The following TRPM4 variants were observed in gnomAD, a reference collection of about 807,000 sequenced individuals.
TRPM4 encodes transient receptor potential cation channel subfamily M member 4.
Under a neutral mutation model 135.6 loss-of-function variants are expected in TRPM4, and 124 were observed. The ratio of observed to expected loss-of-function variants is 0.91; its 90% CI spans 0.79 to 1.06. The LOEUF (loss-of-function observed/expected upper bound fraction) is 1.06, where lower values mean the gene tolerates loss of function less well. Ranked by LOEUF, TRPM4 falls within the 50% of genes least tolerant of loss-of-function variation. The pLI is 0.00. For synonymous variants in TRPM4, 745 were observed against 705.6 expected (o/e 1.06, Z -0.88); for missense variants, 1,658 against 1,671.4 (o/e 0.99, Z 0.14).
Position 49,210,449 on chromosome 19 carries a change from G to C in TRPM4, c.3328+44G>C. On this transcript the variant is annotated intron_variant, in intron 21 of 24. Transcript: ENST00000252826. The surrounding 1 kb of genome is among the most constrained non-coding windows in gnomAD (Gnocchi z 4.1). ...TTAAAAAGGAGAAATATAGGGGACCGGGAGCCTGGAAGGCGAGGGGAAGGG... is the reference window on the plus strand; with the variant it reads ...TTAAAAAGGAGAAATATAGGGGACCCGGAGCCTGGAAGGCGAGGGGAAGGG... The C allele has an allele frequency of 6.2e-7, 1 of 1,600,348 alleles. No individual in the cohort carries two copies. The highest frequency in any genetic ancestry group is 8.5e-7 in the Non-Finnish European group (1 of 1,174,470).
chr19:49,184,970 G>A (rs918603587), intron 12 of TRPM4, among the ~76,000 whole-genome samples: 8 of 149,756 alleles, frequency 5.3e-5, no homozygotes, highest in African/African-American at 2.0e-4. Flanking sequence ...AATAAATTCA[G>A]TGTTCACATT....
At chr19:49,196,960 C>T in intron 17 of TRPM4, 86 bp downstream of exon 17, 2 of 1,351,234 alleles carry the variant, frequency 1.5e-6, no homozygotes, top group Non-Finnish European at 2.0e-6. Context: ...TCCCGGCTTC[C>T]CCGCAGCTGG....
At position 49,167,965 on chromosome 19, in the gene TRPM4, G is replaced by C. The variant is rs748100522; in HGVS notation, c.316G>C (p.Val106Leu). 2 of 1,614,120 alleles carry C rather than the reference G, an allele frequency of 1.2e-6. No individual in the cohort carries two copies. Among genetic ancestry groups the C allele is most frequent in the Admixed American group, 1.7e-5 (1 of 60,030 alleles). Residue 106 changes from valine to leucine, a missense_variant, in exon 4 of 25, where the codon GTC becomes CTC. Physicochemically the swap from Val to Leu is conservative, Grantham distance 32. Transcript: ENST00000252826. ...RTDPAAVYSL[V>L]TRTWGFRAPN... ...GGATCCAGCTGCAGTTTATAGTCTGGTCACACGCACATGGGGCTTCCGTGC... is the reference window on the plus strand; with the variant it reads ...GGATCCAGCTGCAGTTTATAGTCTGCTCACACGCACATGGGGCTTCCGTGC...
chr19:49,173,346 C>A lies in TRPM4; in HGVS notation c.1150+1238C>A, dbSNP rs963006216. Among the ~76,000 whole-genome samples, 6 of 152,212 alleles carry A rather than the reference C, an allele frequency of 3.9e-5. No individual in the cohort carries two copies. The South Asian group carries it at 6.2e-4, about 16-fold the overall frequency. ...TCCATCCATCTTCTCACCTGTCCATCCACACATCCACTGACAATTCCATTC... is the reference window on the plus strand; with the variant it reads ...TCCATCCATCTTCTCACCTGTCCATACACACATCCACTGACAATTCCATTC... On this transcript the variant is annotated intron_variant, in intron 9 of 24. Coordinates refer to ENST00000252826, the MANE Select transcript of TRPM4 (RefSeq NM_017636.4).
At chr19:49,161,971 A>G (rs556950958) in intron 2 of TRPM4, among the ~76,000 whole-genome samples, 2 of 152,262 alleles carry the variant, frequency 1.3e-5, no homozygotes, top group South Asian at 2.1e-4. Context: ...TGGCCTCTGC[A>G]CACATTGGGT....
rs576378615 is a variant in TRPM4 at position 49,183,058 on chromosome 19, A to T, written c.1609-20A>T. 2.4e-5 allele frequency: 39 copies of T among 1,609,678 alleles called. 1 individual carries two copies. In the South Asian group the frequency reaches 4.2e-4, roughly 17 times the overall value. On this transcript the variant is annotated intron_variant, in intron 11 of 24. Coordinates refer to ENST00000252826, the MANE Select transcript of TRPM4 (RefSeq NM_017636.4). ...TGTTGGGGAGGGGCTGGTCCTCACC[A>T]CCCCTCCTTTTGCTGGCAGATGTAT...
chr19:49,168,128 G>A (rs1967299566), intron 4 of TRPM4, 31 bp downstream of exon 4: 2 of 1,594,320 alleles, frequency 1.3e-6, no homozygotes, highest in Non-Finnish European at 1.7e-6. Context: ...GCTGTCTCCT[G>A]GGCCTCGGCC....
At chr19:49,196,944 C>A (rs1968679134) in intron 17 of TRPM4, 70 bp downstream of exon 17, 1 of 1,446,726 alleles carries the variant, frequency 6.9e-7, no homozygotes, top group Non-Finnish European at 9.2e-7. Context: ...CTCCCGGGGT[C>A]TCCACTCCCG....
rs534504464 is a variant in TRPM4, at chr19:49,179,863, C to T, written c.1151-1486C>T. On this transcript the variant is annotated intron_variant, in intron 9 of 24. Transcript: ENST00000252826. ...AGCACAGCCTTGGAGGTTACACTGG[C>T]CAAGCTGTAGTGTCGCCACAGCGTG... Among the ~76,000 whole-genome samples the T allele has an allele frequency of 8.5e-4, 129 of 152,274 alleles. 2 individuals carry two copies. The South Asian group carries it at 0.026, about 30-fold the overall frequency.
In TRPM4 at chr19:49,211,679, G is replaced by C. The variant is rs566933401; in HGVS notation, c.*181G>C. On this transcript the variant is annotated 3_prime_UTR_variant, in exon 25 of 25. Transcript: ENST00000252826. The surrounding 1 kb of genome is among the most constrained non-coding windows in gnomAD (Gnocchi z 4.8). Reference sequence around the variant, plus strand: ...ATCCTTACAAACCACAGCATGCCCGGCTCCTCCCAGAACCAGTCCCAGCCT... The same window carrying C: ...ATCCTTACAAACCACAGCATGCCCGCCTCCTCCCAGAACCAGTCCCAGCCT... The C allele has an allele frequency of 2.8e-4, 219 of 791,950 alleles. No individual in the cohort carries two copies. In the African/African-American group the frequency reaches 3.5e-3, roughly 13 times the overall value. 49.1% of individuals were successfully genotyped at this position (791,950 alleles called of 1,614,324 possible). A position where few individuals can be genotyped will look rare whatever the true frequency, so the allele number is the denominator to read the frequency against.
chr19:49,193,107 G>GTCTTACTC (rs1968473669), intron 16 of TRPM4, among the ~76,000 whole-genome samples: 1 of 144,154 alleles, frequency 6.9e-6, no homozygotes, highest in South Asian at 2.2e-4. Flanking sequence ...TTGAGATGGA[G>GTCTTACTC]TCTTACTCTG....
chr19:49,202,920 T>G (rs1600522586), intron 20 of TRPM4, among the ~76,000 whole-genome samples: 1 of 146,992 alleles, frequency 6.8e-6, no homozygotes, highest in East Asian at 2.0e-4. Flanking sequence ...TCTCGCTGTG[T>G]CACCCAGGCT....
chr19:49,211,306 CTG>C lies in TRPM4; in HGVS notation c.3640+39_3640+40del. 6.3e-7 allele frequency: 1 copy of C among 1,577,934 alleles called. No individual in the cohort carries two copies. Among genetic ancestry groups the C allele is most frequent in the Non-Finnish European group, 8.6e-7 (1 of 1,160,624 alleles). On this transcript the variant is annotated intron_variant, in intron 24 of 24. Coordinates refer to ENST00000252826, the MANE Select transcript of TRPM4 (RefSeq NM_017636.4). This position sits in a 1 kb window ranked among gnomAD's most constrained non-coding sequence, Gnocchi z 4.8. The stretch of plus-strand genomic sequence containing the variant: ...GCATCAGCCTGTGCATCTCCAGCCT[CTG>C]TTCCTGTATTTTTGCGTGTTTTTCT...
intron 20 of TRPM4, among the ~76,000 whole-genome samples, chr19:49,206,448 CTTTTTTTT>C (rs1474755907): frequency 1.0e-5 from 1 of 100,132 alleles, no homozygotes; most frequent in African/African-American, 3.7e-5. Context: ...TTTTTTTTTT[CTTTTTTTT>C]GAGACAGAGT....
At chr19:49,188,207 A>T in intron 12 of TRPM4, among the ~76,000 whole-genome samples, 1 of 152,338 alleles carries the variant, frequency 6.6e-6, no homozygotes, top group East Asian at 1.9e-4. Flanking sequence ...TATGCCCAGG[A>T]ATGAGCGAGG....
chr19:49,197,473 C>CCT (rs1968735724), intron 17 of TRPM4, among the ~76,000 whole-genome samples: 8 of 114,930 alleles, frequency 7.0e-5, no homozygotes, highest in Non-Finnish European at 1.2e-4. Flanking sequence ...GCCTCCCTCC[C>CCT]TCCTTCCTTC....
intron 2 of TRPM4, 136 bp from the exon 3 acceptor site, chr19:49,165,905 G>C: frequency 1.1e-6 from 1 of 886,720 alleles, no homozygotes; most frequent in Admixed American, 2.4e-5. Context: ...CAGGGCCAGG[G>C]GCAGCGTGGA....
intron 2 of TRPM4, chr19:49,158,971 C>T (rs2041577374): frequency 6.6e-6 from 1 of 150,748 alleles, no homozygotes; most frequent in Non-Finnish European, 1.5e-5. Flanking sequence ...TGTGCGTCCG[C>T]GAGGAGCTCC....
chr19:49,158,318 C>T (rs1261626878), intron 2 of TRPM4, 59 bp downstream of exon 2: 16 of 1,499,890 alleles, frequency 1.1e-5, no homozygotes, highest in Non-Finnish European at 1.4e-5. Context: ...ACCCCGCCCG[C>T]GGATGGTCAC....
Sources: allele counts gnomAD v4.1 joint callset (sites outside exome capture counted in the v4.1 genomes callset), GRCh38; gene constraint gnomAD v4.1.1; non-coding constraint Gnocchi (gnomAD v3.1); transcripts MANE v1.5; gene names NCBI Gene and HGNC (gene_info 2026-07-23, HGNC 2026-07-21).